SIPA1L1: variants seen among roughly 807,000 people sequenced by gnomAD.
The protein encoded by SIPA1L1 is signal-induced proliferation-associated 1-like protein 1.
Under a neutral mutation model 162.7 loss-of-function variants are expected in SIPA1L1, and 26 were observed. The ratio of observed to expected loss-of-function variants is 0.16; its 90% CI spans 0.12 to 0.22. The LOEUF (loss-of-function observed/expected upper bound fraction) is 0.22, where lower values mean the gene tolerates loss of function less well. Ranked by LOEUF, SIPA1L1 falls within the 10% of genes least tolerant of loss-of-function variation. SIPA1L1 has a pLI of 1.00. For missense variants in SIPA1L1, 1,874 were observed against 2,241.0 expected, an observed-to-expected ratio of 0.84 and a Z score of 3.31; for synonymous variants, 829 against 837.4, an observed-to-expected ratio of 0.99 and a Z score of 0.17.
chr14:71,337,973 A>C (rs1439900314), intron 2 of SIPA1L1, among the ~76,000 whole-genome samples: 3 of 152,134 alleles, frequency 2.0e-5, no homozygotes, highest in African/African-American at 7.2e-5. Flanking sequence ...TGTGAAATCT[A>C]CTAATTTCCT....
At chr14:71,326,747 T>C (rs2033860018) in intron 2 of SIPA1L1, among the ~76,000 whole-genome samples, 1 of 146,628 alleles carries the variant, frequency 6.8e-6, no homozygotes, top group Non-Finnish European at 1.5e-5. Flanking sequence ...AGATGGAGTC[T>C]GTTACCCAGG....
At chr14:71,719,282 T>C (rs1211282633) in intron 17 of SIPA1L1, among the ~76,000 whole-genome samples, 1 of 152,244 alleles carries the variant, frequency 6.6e-6, no homozygotes, top group East Asian at 1.9e-4. Flanking sequence ...CACATACATA[T>C]ATGTTTCTTT....
chr14:71,342,040 G>C (rs762547444), intron 2 of SIPA1L1, among the ~76,000 whole-genome samples: 3 of 151,976 alleles, frequency 2.0e-5, no homozygotes, highest in Non-Finnish European at 4.4e-5. Context: ...GTCTCACTTT[G>C]TTGCCCAGGC....
At chr14:71,484,652 G>A (rs540612787) in intron 2 of SIPA1L1, among the ~76,000 whole-genome samples, 28 of 152,248 alleles carry the variant, frequency 1.8e-4, no homozygotes, top group South Asian at 1.0e-3. Context: ...GAATCTGGAC[G>A]TGATACTCAT....
intron 2 of SIPA1L1, among the ~76,000 whole-genome samples, chr14:71,354,849 G>A (rs2037088722): frequency 6.6e-6 from 1 of 152,270 alleles, no homozygotes; most frequent in African/African-American, 2.4e-5. Flanking sequence ...CTAAAGCTAA[G>A]TGCACTATAA....
chr14:71,682,502 A>G (rs998714234), intron 12 of SIPA1L1, among the ~76,000 whole-genome samples: 1 of 152,242 alleles, frequency 6.6e-6, no homozygotes, highest in African/African-American at 2.4e-5. Context: ...TTAGCTCTGC[A>G]GAACCTTCTG....
intron 7 of SIPA1L1, among the ~76,000 whole-genome samples, chr14:71,634,347 A>T (rs1395732984): frequency 4.6e-5 from 7 of 150,864 alleles, no homozygotes; most frequent in African/African-American, 1.7e-4. Context: ...GGTTGTAGTG[A>T]GCCAAGATCA....
At chr14:71,422,686 C>T (rs960370614) in intron 2 of SIPA1L1, among the ~76,000 whole-genome samples, 3 of 152,188 alleles carry the variant, frequency 2.0e-5, no homozygotes, top group Admixed American at 1.3e-4. Context: ...GAATAATATT[C>T]TGTTGTATGT....
intron 5 of SIPA1L1, among the ~76,000 whole-genome samples, chr14:71,593,893 G>C (rs895028445): frequency 1.3e-5 from 2 of 152,144 alleles, no homozygotes; most frequent in African/African-American, 2.4e-5. Flanking sequence ...TGATAGGGAA[G>C]GGCCTCCCTC....
At chr14:71,608,792 G>A (rs1596391356) in intron 5 of SIPA1L1, among the ~76,000 whole-genome samples, 1 of 152,060 alleles carries the variant, frequency 6.6e-6, no homozygotes, top group Non-Finnish European at 1.5e-5. Flanking sequence ...CTACTTAGGA[G>A]GCTGAAGCAG....
At chr14:71,733,056 C>A (rs985673797) in intron 20 of SIPA1L1, among the ~76,000 whole-genome samples, 5 of 152,252 alleles carry the variant, frequency 3.3e-5, no homozygotes, top group African/African-American at 7.2e-5. Context: ...ACTAAAAATA[C>A]AAAAATTAGC....
intron 4 of SIPA1L1, among the ~76,000 whole-genome samples, chr14:71,559,127 G>T (rs2146523889): frequency 6.6e-6 from 1 of 151,512 alleles, no homozygotes; most frequent in Admixed American, 6.6e-5. Flanking sequence ...GAGTGCAGTG[G>T]CGCTATCTCA....
At chr14:71,536,011 G>C (rs913032620) in intron 4 of SIPA1L1, among the ~76,000 whole-genome samples, 1 of 151,726 alleles carries the variant, frequency 6.6e-6, no homozygotes, top group African/African-American at 2.4e-5. Flanking sequence ...GCCATCCTAC[G>C]GCAGCTTCAC....
intron 5 of SIPA1L1, among the ~76,000 whole-genome samples, chr14:71,605,001 CT>C (rs1221047244): frequency 6.6e-6 from 1 of 151,974 alleles, no homozygotes; most frequent in African/African-American, 2.4e-5. Flanking sequence ...TTCTTTTCAC[CT>C]TCTGGGACTC....
At chr14:71,496,212 T>C (rs1301759519) in intron 2 of SIPA1L1, among the ~76,000 whole-genome samples, 3 of 152,218 alleles carry the variant, frequency 2.0e-5, no homozygotes, top group Non-Finnish European at 4.4e-5. Flanking sequence ...CATATGCCTG[T>C]GGTCCCAGCT....
chr14:71,396,118 C>G (rs888555549), intron 2 of SIPA1L1, among the ~76,000 whole-genome samples: 1 of 151,526 alleles, frequency 6.6e-6, no homozygotes, highest in African/African-American at 2.4e-5. Flanking sequence ...TGGTCCAGAT[C>G]ATTTAAAAAA....
In SIPA1L1 at chr14:71,588,729, C is replaced by T. The variant is rs773896920; in HGVS notation, c.857C>T (p.Ser286Leu). The change falls in exon 5 of 24, where the codon TCA becomes TTA. Residue 286 changes from serine to leucine, a missense_variant. Ser to Leu is a moderately radical substitution (Grantham distance 145). This residue lies in a region of SIPA1L1 where 685 missense variants were observed against 828.0 expected (regional missense o/e 0.83). Transcript: ENST00000381232. This position sits in a 1 kb window ranked among gnomAD's most constrained non-coding sequence, Gnocchi z 4.3. ...AGGGAAAAACCACTCAAGCGACGTT[C>T]AAAATCTGAAACTGGAGACTCATCT... is the stretch of plus-strand genomic sequence containing the variant. ...KEREKPLKRR[S>L]KSETGDSSIF... The T allele has an allele frequency of 1.4e-5, 23 of 1,613,902 alleles. No homozygotes were observed. Among genetic ancestry groups the T allele is most frequent in the South Asian group, 4.4e-5 (4 of 91,076 alleles).
intron 4 of SIPA1L1, among the ~76,000 whole-genome samples, chr14:71,569,036 T>G (rs537043096): frequency 2.0e-5 from 3 of 152,332 alleles, no homozygotes; most frequent in East Asian, 1.9e-4. Flanking sequence ...ATCAATAGTT[T>G]TCAGTTTTAT....
intron 4 of SIPA1L1, among the ~76,000 whole-genome samples, chr14:71,576,884 AC>A (rs1278386042): frequency 2.0e-5 from 3 of 152,092 alleles, no homozygotes; most frequent in Admixed American, 6.5e-5. Flanking sequence ...GGAGTTTGAG[AC>A]CAGCCTGGCC....
Sources: gnomAD v4.1 joint callset for allele counts (sites outside exome capture counted in the v4.1 genomes callset) on GRCh38, gnomAD v4.1.1 for gene constraint, gnomAD v4.1.1 regional missense constraint, Gnocchi (gnomAD v3.1) non-coding constraint, MANE v1.5 for transcripts, NCBI Gene and HGNC (gene_info 2026-07-23, HGNC 2026-07-21) for gene names.